ZIM2: variants seen among roughly 807,000 people sequenced by gnomAD.
ZIM2 encodes the protein zinc finger protein 656.
A neutral mutation model predicts 38.6 loss-of-function variants in ZIM2; 14 were observed. The ratio of observed to expected loss-of-function variants is 0.36; its 90% CI spans 0.24 to 0.57. ZIM2 has a LOEUF of 0.57. Ranked by LOEUF, ZIM2 falls within the 20% of genes least tolerant of loss-of-function variation. ZIM2 has a pLI of 0.81. For missense variants in ZIM2, 680 were observed against 695.1 expected, an observed-to-expected ratio of 0.98 and a Z score of 0.24; for synonymous variants, 247 against 245.8, an observed-to-expected ratio of 1.00 and a Z score of -0.04.
At chr19:56,777,965 C>T (rs2145833509) in intron 12 of ZIM2, among the ~76,000 whole-genome samples, 1 of 152,226 alleles carries the variant, frequency 6.6e-6, no homozygotes, top group African/African-American at 2.4e-5. Flanking sequence ...AATCTCAGGG[C>T]CCTGGCACTT....
rs377043893 is a variant in ZIM2 at position 56,788,710 on chromosome 19, G to A, written c.570+1162C>T. 4.6e-5 allele frequency among the ~76,000 whole-genome samples: 7 copies of A among 152,156 alleles called. No individual in the cohort carries two copies. In the South Asian group the frequency reaches 1.2e-3, roughly 27 times the overall value. Reference sequence around the variant, plus strand: ...ATGTTGGCCTGTCTTGCTAGGTTGGGGAAGTTCTCCTGGATAATATCCTGA... The same window carrying A: ...ATGTTGGCCTGTCTTGCTAGGTTGGAGAAGTTCTCCTGGATAATATCCTGA... On this transcript the variant is annotated intron_variant, in intron 10 of 12. Transcript: ENST00000629319.
rs756691026 is a variant in ZIM2 at position 56,775,291 on chromosome 19, G to T, written c.1074C>A (p.His358Gln). The change falls in exon 13 of 13, where the codon CAC becomes CAA. Residue 358 changes from histidine (H) to glutamine (Q), a missense_variant. By Grantham distance (24) the His-to-Gln change is conservative. Coordinates refer to ENST00000629319, the MANE Select transcript of ZIM2 (RefSeq NM_001387356.1). ...TTCGTTTGCAAAATTCACATCTGTT[G>T]TGTTTGTTCTCTTGGGATGCTGACT... ...SPQSASQENKHNRCEFCKRTF... is the reference protein window; with the variant it reads ...SPQSASQENKQNRCEFCKRTF... 8.4e-5 allele frequency: 135 copies of T among 1,614,162 alleles called. 1 individual carries two copies. Among genetic ancestry groups the T allele is most frequent in the South Asian group, 6.9e-4 (63 of 91,080 alleles).
At chr19:56,816,157 A>C in intron 9 of ZIM2, 1 of 1,614,006 alleles carries the variant, frequency 6.2e-7, no homozygotes, top group Non-Finnish European at 8.5e-7. Context: ...CTTAGTGGGA[A>C]TCTTCTGGTT....
intron 9 of ZIM2, chr19:56,816,114 C>G: frequency 6.2e-7 from 1 of 1,612,460 alleles, no homozygotes; most frequent in Non-Finnish European, 8.5e-7. Flanking sequence ...GAATAACAGA[C>G]CTCTCATATG....
intron 2 of ZIM2, chr19:56,833,173 A>G: frequency 1.9e-6 from 1 of 517,416 alleles, no homozygotes; most frequent in South Asian, 1.4e-5. Flanking sequence ...AGGCTCCCAC[A>G]TCCCATCTGA....
intron 9 of ZIM2, among the ~76,000 whole-genome samples, chr19:56,805,633 C>A (rs1244222774): frequency 6.6e-6 from 1 of 152,108 alleles, no homozygotes; most frequent in African/African-American, 2.4e-5. Flanking sequence ...AACGTGAGGT[C>A]CTGAAAGGAC....
rs116592661 is a variant in ZIM2, at chr19:56,829,517, G to C, written c.-226-3054C>G. Among the ~76,000 whole-genome samples, 237 of 152,336 alleles carry C rather than the reference G, an allele frequency of 1.6e-3. 2 individuals carry two copies. Among genetic ancestry groups the C allele is most frequent in the African/African-American group, 5.5e-3 (228 of 41,566 alleles). On this transcript the variant is annotated intron_variant, in intron 2 of 12. Coordinates refer to ENST00000629319, the MANE Select transcript of ZIM2 (RefSeq NM_001387356.1). ...CACTGACAGGGAAACGTGTTCTGTT[G>C]TGTTACTGCTATGTAACCACAGTCC...
At chr19:56,822,361 T>C (rs1169894688) in intron 6 of ZIM2, 2 of 197,788 alleles carry the variant, frequency 1.0e-5, no homozygotes, top group East Asian at 1.4e-4. Context: ...TCCCTAACAC[T>C]GCAGGAAGTC....
At chr19:56,824,822 G>A (rs901127822) in intron 3 of ZIM2, 11 of 634,936 alleles carry the variant, frequency 1.7e-5, no homozygotes, top group East Asian at 5.5e-5. Flanking sequence ...CAGAGGCATC[G>A]ACAATGCTTT....
At chr19:56,812,376 G>A in intron 9 of ZIM2, 1 of 984,618 alleles carries the variant, frequency 1.0e-6, no homozygotes, top group Non-Finnish European at 1.2e-6. Context: ...TAAGGCTGCT[G>A]GGGAACCTGA....
chr19:56,779,326 GC>G, intron 12 of ZIM2, 50 bp downstream of exon 12: 1 of 1,590,862 alleles, frequency 6.3e-7, no homozygotes, highest in Non-Finnish European at 8.6e-7. Flanking sequence ...TCTCTGACTA[GC>G]ATTTACTGGT....
At chr19:56,810,516 G>T in intron 9 of ZIM2, 1 of 984,230 alleles carries the variant, frequency 1.0e-6, no homozygotes, top group Non-Finnish European at 1.2e-6. Context: ...GTTGGGTGTT[G>T]GGAATATGTG....
chr19:56,798,004 C>T (rs2047316587), intron 9 of ZIM2: 1 of 152,188 alleles, frequency 6.6e-6, no homozygotes, highest in African/African-American at 2.4e-5. Context: ...TTTGAATCTG[C>T]TGTTATTAAG....
intron 9 of ZIM2, chr19:56,811,581 C>T: frequency 1.0e-6 from 1 of 985,358 alleles, no homozygotes; most frequent in Non-Finnish European, 1.2e-6. Context: ...CAGCAAGTTG[C>T]TTTCTGAAAA....
At chr19:56,817,234 G>A (rs762192467) in intron 9 of ZIM2, 8 of 1,613,804 alleles carry the variant, frequency 5.0e-6, no homozygotes, top group South Asian at 4.4e-5. Context: ...ATCGTGAATC[G>A]AGCCCTTCCC....
intron 9 of ZIM2, among the ~76,000 whole-genome samples, chr19:56,808,526 GATCA>G (rs2047876464): frequency 3.9e-5 from 6 of 152,140 alleles, no homozygotes; most frequent in Admixed American, 3.9e-4. Flanking sequence ...GGCTTGGTAT[GATCA>G]ATCAATCTGC....
chr19:56,837,867 G>C (rs1181227358), intron 1 of ZIM2, among the ~76,000 whole-genome samples: 1 of 152,186 alleles, frequency 6.6e-6, no homozygotes, highest in African/African-American at 2.4e-5. Context: ...GGATGGACGG[G>C]GCTCACGCTC....
At chr19:56,836,643 G>A (rs1015164717) in intron 1 of ZIM2, among the ~76,000 whole-genome samples, 9 of 152,106 alleles carry the variant, frequency 5.9e-5, no homozygotes, top group Non-Finnish European at 1.2e-4. Context: ...AGTCAGGTGG[G>A]CATATTTTGG....
chr19:56,831,576 C>T (rs2061573151), intron 2 of ZIM2, among the ~76,000 whole-genome samples: 1 of 152,198 alleles, frequency 6.6e-6, no homozygotes, highest in Admixed American at 6.5e-5. Context: ...GACAAACATA[C>T]TTTGTTCTAA....
Sources: allele counts gnomAD v4.1 joint callset (sites outside exome capture counted in the v4.1 genomes callset), GRCh38; gene constraint gnomAD v4.1.1; transcripts MANE v1.5; gene names NCBI Gene and HGNC (gene_info 2026-07-23, HGNC 2026-07-21).